DGKB: variants seen among roughly 807,000 people sequenced by gnomAD.
DGKB encodes the protein 90 kDa diacylglycerol kinase.
Under a neutral mutation model 114.3 loss-of-function variants are expected in DGKB, and 67 were observed. The ratio of observed to expected loss-of-function variants is 0.59; its 90% CI spans 0.48 to 0.72. The LOEUF (loss-of-function observed/expected upper bound fraction) is 0.72, where lower values mean the gene tolerates loss of function less well. Ranked by LOEUF, DGKB falls within the 30% of genes least tolerant of loss-of-function variation. The probability of loss-of-function intolerance (pLI) is 0.00; values close to 1 mark genes in which losing one functional copy is unlikely to be tolerated. For missense variants in DGKB, 907 were observed against 975.2 expected, an observed-to-expected ratio of 0.93 and a Z score of 0.93; for synonymous variants, 398 against 323.1, an observed-to-expected ratio of 1.23 and a Z score of -2.49.
chr7:14,894,832 C>A (rs188470844), intron 1 of DGKB, among the ~76,000 whole-genome samples: 2 of 151,652 alleles, frequency 1.3e-5, no homozygotes, highest in East Asian at 3.9e-4. Flanking sequence ...AAGCCAGACA[C>A]CCAAAACAAC....
chr7:14,970,710 C>T (rs891745297), intron 1 of DGKB, among the ~76,000 whole-genome samples: 6 of 152,100 alleles, frequency 3.9e-5, no homozygotes, highest in African/African-American at 1.4e-4. Context: ...TGTAATTCTC[C>T]CCCTGACTCC....
intron 20 of DGKB, among the ~76,000 whole-genome samples, chr7:14,563,143 G>A (rs1054106084): frequency 2.0e-5 from 3 of 152,152 alleles, no homozygotes; most frequent in Admixed American, 6.5e-5. Flanking sequence ...TGTAAGGCAC[G>A]CCTTTGTTCC....
At chr7:14,561,673 T>A (rs867745163) in intron 20 of DGKB, among the ~76,000 whole-genome samples, 1 of 152,172 alleles carries the variant, frequency 6.6e-6, no homozygotes, top group Admixed American at 6.5e-5. Flanking sequence ...ATTGGTGGCA[T>A]TTTGCCCCTG....
intron 20 of DGKB, among the ~76,000 whole-genome samples, chr7:14,509,410 T>C (rs1787628940): frequency 1.3e-5 from 2 of 152,012 alleles, no homozygotes; most frequent in Admixed American, 1.3e-4. Flanking sequence ...CTCAGGGAGA[T>C]AACACTCCCT....
At chr7:14,888,726 G>T (rs1780710834) in intron 1 of DGKB, among the ~76,000 whole-genome samples, 1 of 151,752 alleles carries the variant, frequency 6.6e-6, no homozygotes, top group Non-Finnish European at 1.5e-5. Flanking sequence ...TGTAAAGAAG[G>T]TTTTGTATAT....
chr7:14,489,865 G>C (rs535164788), intron 20 of DGKB, among the ~76,000 whole-genome samples: 1 of 152,096 alleles, frequency 6.6e-6, no homozygotes, highest in Admixed American at 6.6e-5. Context: ...TCTCAAAGGC[G>C]CGGGAGGATA....
At chr7:14,930,887 T>G (rs567867347) in intron 1 of DGKB, among the ~76,000 whole-genome samples, 1 of 152,220 alleles carries the variant, frequency 6.6e-6, no homozygotes, top group African/African-American at 2.4e-5. Flanking sequence ...TTCTTCTATG[T>G]CTGGTTTGTT....
intron 21 of DGKB, among the ~76,000 whole-genome samples, chr7:14,393,278 C>T (rs1011454911): frequency 1.3e-5 from 2 of 151,778 alleles, no homozygotes; most frequent in Admixed American, 6.6e-5. Context: ...CGTGAGCCAC[C>T]GCGCCCGGTC....
At chr7:14,741,349 G>A (rs1832556780) in intron 4 of DGKB, among the ~76,000 whole-genome samples, 1 of 152,162 alleles carries the variant, frequency 6.6e-6, no homozygotes, top group Non-Finnish European at 1.5e-5. Flanking sequence ...TAATCAAAAA[G>A]TATTTATGAG....
chr7:14,363,064 A>G (rs1027248099), intron 21 of DGKB, among the ~76,000 whole-genome samples: 9 of 152,166 alleles, frequency 5.9e-5, no homozygotes, highest in African/African-American at 2.2e-4. Flanking sequence ...TAATAAGCCC[A>G]GGATGGAAAA....
intron 1 of DGKB, among the ~76,000 whole-genome samples, chr7:14,896,922 C>A (rs1424998925): frequency 1.3e-5 from 2 of 151,736 alleles, no homozygotes; most frequent in Admixed American, 6.6e-5. Context: ...TCATTATGAA[C>A]AATCAGAACA....
intron 23 of DGKB, among the ~76,000 whole-genome samples, chr7:14,332,375 C>A (rs1473365344): frequency 6.6e-6 from 1 of 151,976 alleles, no homozygotes. Flanking sequence ...GAACCACGAA[C>A]ACTATGCCGC....
At position 14,283,984 on chromosome 7, in the gene DGKB, C is replaced by G. The variant is rs529039677; in HGVS notation, c.2122+54531G>C. On this transcript the variant is annotated intron_variant, in intron 23 of 25. Coordinates refer to ENST00000402815, the MANE Select transcript of DGKB (RefSeq NM_001350709.2). ...GACTTCATGTCTAAAACACCAAAAG[C>G]AATGGCAACAAAAGACAAAATTGAC... Among the ~76,000 whole-genome samples, 24 of 152,216 alleles carry G rather than the reference C, an allele frequency of 1.6e-4. 1 individual carries two copies. In the East Asian group the frequency reaches 2.9e-3, roughly 18 times the overall value.
chr7:14,510,470 G>C (rs114012872), intron 20 of DGKB, among the ~76,000 whole-genome samples: 81 of 152,154 alleles, frequency 5.3e-4, no homozygotes, highest in African/African-American at 1.9e-3. Context: ...TGACATTGCA[G>C]TTATTCAGTC....
chr7:14,972,462 G>T (rs1471294283), intron 1 of DGKB, among the ~76,000 whole-genome samples: 1 of 151,730 alleles, frequency 6.6e-6, no homozygotes, highest in Non-Finnish European at 1.5e-5. Flanking sequence ...GAAAGGAAAA[G>T]AAAAAAATAA....
intron 21 of DGKB, among the ~76,000 whole-genome samples, chr7:14,412,634 T>A (rs1825073238): frequency 6.6e-6 from 1 of 152,010 alleles, no homozygotes; most frequent in Non-Finnish European, 1.5e-5. Flanking sequence ...AGAAAAATGA[T>A]CAGAGATCTG....
intron 2 of DGKB, among the ~76,000 whole-genome samples, chr7:14,792,582 A>G (rs1424841308): frequency 6.6e-6 from 1 of 152,178 alleles, no homozygotes; most frequent in Admixed American, 6.6e-5. Context: ...TCATACCTAC[A>G]GTAAAAATAA....
chr7:14,724,448 G>C (rs1829718519), intron 5 of DGKB, among the ~76,000 whole-genome samples: 2 of 152,166 alleles, frequency 1.3e-5, no homozygotes, highest in African/African-American at 4.8e-5. Flanking sequence ...TCCTTATAAA[G>C]AGAAGACAGA....
At position 14,178,075 on chromosome 7, in the gene DGKB, T is replaced by C. The variant is rs1347356754; in HGVS notation, c.2199A>G (p.Lys733=). ...MEMGQIYTGL[K]SAGRRLAQCS... Reference sequence around the variant, plus strand: ...ACTGAGCCAGCCGCCGGCCAGCACTTTTCAGGCCTGTGTATATTTGCCCCA... The same window carrying C: ...ACTGAGCCAGCCGCCGGCCAGCACTCTTCAGGCCTGTGTATATTTGCCCCA... Residue 733 remains lysine (K), a synonymous_variant, in exon 24 of 26, where the codon AAA becomes AAG. Transcript: ENST00000402815. 3.7e-6 allele frequency: 6 copies of C among 1,609,648 alleles called. No individual in the cohort carries two copies. The highest frequency in any genetic ancestry group is 5.1e-6 in the Non-Finnish European group (6 of 1,178,522).
Sources: allele counts gnomAD v4.1 joint callset (sites outside exome capture counted in the v4.1 genomes callset), GRCh38; gene constraint gnomAD v4.1.1; transcripts MANE v1.5; gene names NCBI Gene and HGNC (gene_info 2026-07-23, HGNC 2026-07-21).